Variants in GCH1 observed in about 807,000 individuals in gnomAD.
GCH1 encodes the protein GTP cyclohydrolase I.
GCH1 carries 5 observed loss-of-function variants against 25.9 expected under a neutral mutation model. The observed-to-expected ratio is 0.19, with a 90% confidence interval of 0.10 to 0.41. The LOEUF (loss-of-function observed/expected upper bound fraction) is 0.41. Ranked by LOEUF, GCH1 falls within the 10% of genes least tolerant of loss-of-function variation. The pLI is 1.00. For synonymous variants in GCH1, 159 were observed against 129.6 expected (o/e 1.23, Z -1.54); for missense variants, 261 against 336.5 (o/e 0.78, Z 1.75).
chr14:54,864,454 A>G (rs779364078), intron 2 of GCH1, among the ~76,000 whole-genome samples: 13 of 152,216 alleles, frequency 8.5e-5, no homozygotes, highest in Admixed American at 6.5e-4. Flanking sequence ...TCTCAAAGGT[A>G]TGTTAAGTAG....
intron 3 of GCH1, among the ~76,000 whole-genome samples, chr14:54,856,044 C>A (rs1019098956): frequency 6.6e-5 from 10 of 152,098 alleles, no homozygotes; most frequent in Non-Finnish European, 1.2e-4. Context: ...AAATACTGCT[C>A]CCTCTGTAAT....
At chr14:54,849,476 A>C (rs1378590506) in intron 3 of GCH1, among the ~76,000 whole-genome samples, 1 of 152,232 alleles carries the variant, frequency 6.6e-6, no homozygotes, top group Non-Finnish European at 1.5e-5. Flanking sequence ...AATTCAGTGT[A>C]ACTGCTGTTG....
chr14:54,876,185 A>G (rs1463020527), intron 1 of GCH1, among the ~76,000 whole-genome samples: 2 of 152,200 alleles, frequency 1.3e-5, no homozygotes, highest in East Asian at 3.8e-4. Flanking sequence ...TGATGAGTTC[A>G]TGTCCTTTGT....
intron 3 of GCH1, among the ~76,000 whole-genome samples, chr14:54,851,912 A>T (rs911405867): frequency 1.3e-5 from 2 of 151,472 alleles, no homozygotes; most frequent in East Asian, 3.8e-4. Context: ...TGCTATAAAG[A>T]CACATGCACA....
chr14:54,877,976 C>T (rs887019872), intron 1 of GCH1: 1 of 152,482 alleles, frequency 6.6e-6, no homozygotes, highest in Non-Finnish European at 1.5e-5. Flanking sequence ...GTCTGAGAAC[C>T]AGAGTGCCCC....
At chr14:54,869,952 T>A (rs1293049489) in intron 1 of GCH1, among the ~76,000 whole-genome samples, 1 of 152,124 alleles carries the variant, frequency 6.6e-6, no homozygotes, top group African/African-American at 2.4e-5. Context: ...CAGAAGAGAC[T>A]ACCTATGTTC....
chr14:54,880,154 A>G (rs1475221218), intron 1 of GCH1, among the ~76,000 whole-genome samples: 3 of 150,736 alleles, frequency 2.0e-5, no homozygotes, highest in African/African-American at 7.3e-5. Context: ...AAAAAAAAGA[A>G]AGTTAGGGAC....
chr14:54,854,510 A>C (rs2039779698), intron 3 of GCH1, among the ~76,000 whole-genome samples: 1 of 152,046 alleles, frequency 6.6e-6, no homozygotes, highest in African/African-American at 2.4e-5. Flanking sequence ...TAATGTGGCC[A>C]TACAAGTACC....
Position 54,889,951 on chromosome 14 carries a change from T to C in GCH1, c.343+12370A>G, listed in dbSNP as rs146964237. On this transcript the variant is annotated intron_variant, in intron 1 of 5. Coordinates refer to ENST00000491895, the MANE Select transcript of GCH1 (RefSeq NM_000161.3). The stretch of plus-strand genomic sequence containing the variant: ...ACAACAGAACAAAACCTCACAGCAA[T>C]GGTGAGGAAAGACAACAGAAAATCA... 2.9e-3 allele frequency among the ~76,000 whole-genome samples: 437 copies of C among 152,166 alleles called. 1 individual carries two copies. The highest frequency in any genetic ancestry group is 4.3e-3 in the Non-Finnish European group (294 of 67,990).
intron 3 of GCH1, among the ~76,000 whole-genome samples, chr14:54,847,801 G>T (rs991409427): frequency 1.3e-5 from 2 of 152,010 alleles, no homozygotes; most frequent in East Asian, 3.8e-4. Flanking sequence ...CAACTGTGAC[G>T]TTCACTTAGG....
At chr14:54,867,350 G>C (rs2040001834) in intron 1 of GCH1, among the ~76,000 whole-genome samples, 1 of 152,064 alleles carries the variant, frequency 6.6e-6, no homozygotes, top group Non-Finnish European at 1.5e-5. Flanking sequence ...CACTCTGGGA[G>C]GCAGAGGTAG....
At chr14:54,844,936 C>A (rs1164688600) in intron 5 of GCH1, among the ~76,000 whole-genome samples, 1 of 152,156 alleles carries the variant, frequency 6.6e-6, no homozygotes, top group Non-Finnish European at 1.5e-5. Flanking sequence ...TTTTGGGAGG[C>A]TGAGGTGGGC....
chr14:54,891,884 G>A (rs1443604174), intron 1 of GCH1, among the ~76,000 whole-genome samples: 1 of 151,892 alleles, frequency 6.6e-6, no homozygotes, highest in Non-Finnish European at 1.5e-5. Flanking sequence ...CAGTTTTGCA[G>A]TGTTTGTTTT....
At chr14:54,848,698 C>T (rs17253591) in intron 3 of GCH1, among the ~76,000 whole-genome samples, 11,097 of 152,184 alleles carry the variant, frequency 0.073, 646 homozygotes, top group Non-Finnish European at 0.11. Context: ...TCCGCCACCC[C>T]GTTTACCACT....
intron 1 of GCH1, among the ~76,000 whole-genome samples, chr14:54,868,330 T>C (rs1022637567): frequency 6.6e-6 from 1 of 151,956 alleles, no homozygotes; most frequent in Non-Finnish European, 1.5e-5. Context: ...GGCAGGAGGA[T>C]CACTTAAGCC....
At chr14:54,880,443 T>C (rs1339527584) in intron 1 of GCH1, among the ~76,000 whole-genome samples, 18 of 121,982 alleles carry the variant, frequency 1.5e-4, no homozygotes, top group South Asian at 2.6e-4. Flanking sequence ...TATATATATA[T>C]ACTCCATATA....
intron 3 of GCH1, among the ~76,000 whole-genome samples, chr14:54,854,426 C>A (rs538085201): frequency 6.6e-6 from 1 of 152,132 alleles, no homozygotes; most frequent in South Asian, 2.1e-4. Context: ...AGTGAGCACA[C>A]GCAGCAGTGG....
intron 3 of GCH1, among the ~76,000 whole-genome samples, 182 bp from the exon 4 acceptor site, chr14:54,847,312 T>C (rs1001175156): frequency 6.6e-6 from 1 of 152,112 alleles, no homozygotes; most frequent in Admixed American, 6.5e-5. Context: ...GTCAACTTGA[T>C]TGGATTGAAG....
intron 5 of GCH1, among the ~76,000 whole-genome samples, chr14:54,844,768 C>T (rs1010570778): frequency 2.6e-5 from 4 of 152,192 alleles, no homozygotes; most frequent in African/African-American, 9.6e-5. Flanking sequence ...AAGAAATGTA[C>T]CAATTCTTGG....
Sources: gnomAD v4.1 joint callset for allele counts (sites outside exome capture counted in the v4.1 genomes callset) on GRCh38, gnomAD v4.1.1 for gene constraint, MANE v1.5 for transcripts, NCBI Gene and HGNC (gene_info 2026-07-23, HGNC 2026-07-21) for gene names.